PCDHA5: variants seen among roughly 807,000 people sequenced by gnomAD.
PCDHA5 encodes the protein protocadherin alpha-5.
A neutral mutation model predicts 61.6 loss-of-function variants in PCDHA5; 43 were observed. The ratio of observed to expected loss-of-function variants is 0.70; its 90% CI spans 0.55 to 0.90. PCDHA5 has a LOEUF of 0.90. PCDHA5 is among the 40% of genes least tolerant of loss of function. PCDHA5 has a pLI of 0.00. For synonymous variants in PCDHA5, 627 were observed against 543.9 expected (o/e 1.15, Z -2.13); for missense variants, 1,298 against 1,222.7 (o/e 1.06, Z -0.92).
chr5:140,994,528 C>T (rs1331400819), intron 3 of PCDHA5, among the ~76,000 whole-genome samples: 1 of 137,784 alleles, frequency 7.3e-6, no homozygotes, highest in Non-Finnish European at 1.5e-5. Flanking sequence ...CATGGCAAAA[C>T]CCCATCTCTA....
intron 1 of PCDHA5, among the ~76,000 whole-genome samples, chr5:140,846,830 A>G (rs965797545): frequency 6.7e-6 from 1 of 149,758 alleles, no homozygotes; most frequent in Admixed American, 6.7e-5. Context: ...AATAAAGAAT[A>G]TGAGTCACAC....
In PCDHA5 at chr5:140,981,860, A is replaced by C. The variant is rs377325751; in HGVS notation, c.2412-615A>C. On this transcript the variant is annotated intron_variant, in intron 2 of 3. Coordinates refer to ENST00000529859, the MANE Select transcript of PCDHA5 (RefSeq NM_018908.3). ...TCCCAGTTTGTATCTCACTCCCAGC[A>C]ATGTTTTATGCTGAATTAATCTCTT... Among the ~76,000 whole-genome samples the C allele has an allele frequency of 1.1e-3, 166 of 152,246 alleles. 1 individual carries two copies. The highest frequency in any genetic ancestry group is 3.9e-3 in the African/African-American group (160 of 41,532).
chr5:140,857,375 G>C, intron 1 of PCDHA5: 1 of 1,598,360 alleles, frequency 6.3e-7, no homozygotes. Flanking sequence ...CGTGTCTGTG[G>C]AGGTGGCCGA....
intron 3 of PCDHA5, among the ~76,000 whole-genome samples, chr5:140,996,553 A>C (rs868960335): frequency 1.3e-5 from 2 of 152,172 alleles, no homozygotes; most frequent in African/African-American, 2.4e-5. Flanking sequence ...TGCTGTCACT[A>C]TCTTGAAGTT....
intron 1 of PCDHA5, chr5:140,876,840 G>C: frequency 6.2e-7 from 1 of 1,614,166 alleles, no homozygotes; most frequent in Non-Finnish European, 8.5e-7. Flanking sequence ...CTGCGTTCGC[G>C]CAGCCCGAGT....
intron 1 of PCDHA5, chr5:140,881,246 G>A (rs1006093115): frequency 4.8e-6 from 2 of 415,054 alleles, no homozygotes; most frequent in Non-Finnish European, 6.5e-6. Flanking sequence ...TTAAATGACG[G>A]CAAGGTTTTA....
chr5:140,828,007 A>G, intron 1 of PCDHA5: 1 of 1,504,268 alleles, frequency 6.6e-7, no homozygotes, highest in Non-Finnish European at 8.9e-7. Flanking sequence ...ACGCAGAAGA[A>G]ATGGATTAAT....
At chr5:140,986,950 A>C (rs1161887732) in intron 3 of PCDHA5, among the ~76,000 whole-genome samples, 1 of 152,164 alleles carries the variant, frequency 6.6e-6, no homozygotes, top group Admixed American at 6.5e-5. Flanking sequence ...GTGGTCGCTC[A>C]TGCCTGTAAT....
chr5:140,884,204 C>A (rs1410511984), intron 1 of PCDHA5: 1 of 1,613,382 alleles, frequency 6.2e-7, no homozygotes, highest in Non-Finnish European at 8.5e-7. Flanking sequence ...GCCGCACCAC[C>A]GCCTTCTGGT....
At chr5:140,945,664 C>T (rs1342424562) in intron 1 of PCDHA5, among the ~76,000 whole-genome samples, 1 of 152,048 alleles carries the variant, frequency 6.6e-6, no homozygotes, top group Admixed American at 6.5e-5. Context: ...ATACAGCTCC[C>T]AGAAATAAAT....
At chr5:140,874,217 A>G (rs2054785474) in intron 1 of PCDHA5, among the ~76,000 whole-genome samples, 1 of 152,214 alleles carries the variant, frequency 6.6e-6, no homozygotes, top group African/African-American at 2.4e-5. Flanking sequence ...TATTATATGC[A>G]GTAGGAATGA....
chr5:140,875,698 G>C (rs2055722414), intron 1 of PCDHA5: 1 of 1,614,084 alleles, frequency 6.2e-7, no homozygotes, highest in African/African-American at 1.3e-5. Context: ...GGACCTTCTG[G>C]AGGTAAATCT....
At chr5:140,944,839 G>C (rs1449491788) in intron 1 of PCDHA5, among the ~76,000 whole-genome samples, 3 of 152,130 alleles carry the variant, frequency 2.0e-5, no homozygotes, top group African/African-American at 7.2e-5. Flanking sequence ...TGTAAAATGA[G>C]ATATTAGAAT....
chr5:140,842,521 C>A (rs144333530), intron 1 of PCDHA5: 1 of 1,613,390 alleles, frequency 6.2e-7, no homozygotes, highest in African/African-American at 1.3e-5. Context: ...TGGTGTCCAC[C>A]TTCAAGAATT....
chr5:140,871,061 A>T, intron 1 of PCDHA5: 1 of 1,613,200 alleles, frequency 6.2e-7, no homozygotes, highest in South Asian at 1.1e-5. Flanking sequence ...GTGAAGGATC[A>T]CGGTGAGCCG....
At chr5:140,909,101 G>C (rs1242179195) in intron 1 of PCDHA5, among the ~76,000 whole-genome samples, 1 of 152,122 alleles carries the variant, frequency 6.6e-6, no homozygotes, top group Non-Finnish European at 1.5e-5. Flanking sequence ...CACTCACTGG[G>C]TCCAATCAGC....
chr5:140,907,790 A>G (rs2073612747), intron 1 of PCDHA5, among the ~76,000 whole-genome samples: 1 of 152,178 alleles, frequency 6.6e-6, no homozygotes, highest in African/African-American at 2.4e-5. Context: ...CTGGGGAAAG[A>G]GGCTAAGTGG....
intron 1 of PCDHA5, chr5:140,870,710 C>T (rs782716335): frequency 6.2e-7 from 1 of 1,613,092 alleles, no homozygotes; most frequent in South Asian, 1.1e-5. Flanking sequence ...CAGGTGAGCG[C>T]GCGCGATGCG....
At chr5:140,970,252 T>A (rs2096392828) in intron 1 of PCDHA5, among the ~76,000 whole-genome samples, 1 of 152,234 alleles carries the variant, frequency 6.6e-6, no homozygotes, top group Non-Finnish European at 1.5e-5. Context: ...GTTGACAGTT[T>A]CTATGGTTTT....
Sources: allele counts gnomAD v4.1 joint callset (sites outside exome capture counted in the v4.1 genomes callset), GRCh38; gene constraint gnomAD v4.1.1; transcripts MANE v1.5; gene names NCBI Gene and HGNC (gene_info 2026-07-23, HGNC 2026-07-21).